Variants in HYCC1 observed in about 807,000 individuals in gnomAD.
HYCC1 encodes hyccin PI4KA lipid kinase complex subunit 1.
At chr7:22,951,980 CAACAA>C in the HYCC1 span, among the ~76,000 whole-genome samples, 3 of 151,900 alleles carry the variant, frequency 2.0e-5, no homozygotes, top group South Asian at 6.2e-4. Flanking sequence ...TACTGTTCTT[CAACAA>C]AACAAGAAAA....
At chr7:23,003,097 G>C in the HYCC1 span, among the ~76,000 whole-genome samples, 1 of 152,122 alleles carries the variant, frequency 6.6e-6, no homozygotes, top group Non-Finnish European at 1.5e-5. Flanking sequence ...GCTACATTCT[G>C]AGGTACTGGG....
chr7:22,906,121 G>A, the HYCC1 span, among the ~76,000 whole-genome samples: 15 of 144,342 alleles, frequency 1.0e-4, no homozygotes, highest in East Asian at 2.6e-3. Context: ...ATCTGAATGC[G>A]GCAATTTTTT....
chr7:22,996,306 AAAG>A, the HYCC1 span, among the ~76,000 whole-genome samples: 1 of 151,878 alleles, frequency 6.6e-6, no homozygotes. Flanking sequence ...AAAAAAAAAA[AAAG>A]AAGCAAAAAT....
At chr7:22,906,572 G>A in the HYCC1 span, among the ~76,000 whole-genome samples, 2 of 134,714 alleles carry the variant, frequency 1.5e-5, no homozygotes, top group African/African-American at 2.7e-5. Context: ...AGTGAGACTC[G>A]GTCTCAAAAA....
the HYCC1 span, among the ~76,000 whole-genome samples, chr7:22,948,691 G>A: frequency 1.3e-5 from 2 of 152,004 alleles, no homozygotes; most frequent in African/African-American, 4.8e-5. Flanking sequence ...TCGCACTGCT[G>A]AGCCAACATG....
the HYCC1 span, among the ~76,000 whole-genome samples, chr7:22,909,028 A>G: frequency 9.2e-5 from 14 of 152,338 alleles, no homozygotes; most frequent in African/African-American, 3.4e-4. Flanking sequence ...AGAAGTTAAC[A>G]TGGTCCATGA....
the HYCC1 span, among the ~76,000 whole-genome samples, chr7:23,005,515 A>G: frequency 6.6e-6 from 1 of 152,208 alleles, no homozygotes; most frequent in Non-Finnish European, 1.5e-5. Flanking sequence ...CTAATGCCCT[A>G]GTTACTCCAT....
the HYCC1 span, among the ~76,000 whole-genome samples, chr7:23,001,153 A>G: frequency 6.6e-6 from 1 of 152,162 alleles, no homozygotes; most frequent in Admixed American, 6.6e-5. Context: ...ATGTTGTGAT[A>G]ATGACTAACA....
the HYCC1 span, among the ~76,000 whole-genome samples, chr7:22,919,144 GA>G: frequency 2.0e-5 from 3 of 152,334 alleles, no homozygotes; most frequent in East Asian, 3.9e-4. Context: ...TTGCATGTGA[GA>G]GGGGCTAGAT....
the HYCC1 span, among the ~76,000 whole-genome samples, chr7:22,975,717 T>C: frequency 6.6e-6 from 1 of 152,144 alleles, no homozygotes; most frequent in Admixed American, 6.5e-5. Context: ...GTTGTTTTTG[T>C]TTGTGTTCTT....
chr7:22,942,890 T>C, the HYCC1 span: 2 of 152,184 alleles, frequency 1.3e-5, no homozygotes, highest in Non-Finnish European at 2.9e-5. Context: ...TTATTTGAAA[T>C]AGTATCAAAG....
chr7:22,932,348 C>T, the HYCC1 span, among the ~76,000 whole-genome samples: 3 of 152,160 alleles, frequency 2.0e-5, no homozygotes, highest in Admixed American at 6.6e-5. Flanking sequence ...TAGATGGGGT[C>T]ATTATTGCTG....
At chr7:22,904,680 T>C in the HYCC1 span, among the ~76,000 whole-genome samples, 1 of 151,640 alleles carries the variant, frequency 6.6e-6, no homozygotes, top group African/African-American at 2.4e-5. Flanking sequence ...GGGCCAGGCA[T>C]GGTGGCTCAT....
the HYCC1 span, among the ~76,000 whole-genome samples, chr7:23,001,618 G>A: frequency 6.6e-6 from 1 of 152,120 alleles, no homozygotes; most frequent in Admixed American, 6.6e-5. Context: ...ACATGGTAGG[G>A]TACTGGAGAA....
At chr7:22,924,177 C>CA in the HYCC1 span, among the ~76,000 whole-genome samples, 15,600 of 95,292 alleles carry the variant, frequency 0.16, 1,340 homozygotes, top group South Asian at 0.22. Flanking sequence ...GACTCTGTAT[C>CA]AAAAAAAAAA....
At chr7:22,994,951 G>T in the HYCC1 span, among the ~76,000 whole-genome samples, 1 of 152,078 alleles carries the variant, frequency 6.6e-6, no homozygotes, top group Non-Finnish European at 1.5e-5. Flanking sequence ...CTGGAAGGAC[G>T]ATATACTTCC....
chr7:22,920,736 T>C, the HYCC1 span, among the ~76,000 whole-genome samples: 3 of 152,184 alleles, frequency 2.0e-5, no homozygotes, highest in Non-Finnish European at 4.4e-5. Flanking sequence ...ATTTCTTCTT[T>C]TTTCTTTTTG....
chr7:22,975,885 T>A, the HYCC1 span, among the ~76,000 whole-genome samples: 2 of 152,096 alleles, frequency 1.3e-5, no homozygotes, highest in Non-Finnish European at 2.9e-5. Context: ...CCCAGCTGAT[T>A]TTTTAAAATT....
the HYCC1 span, chr7:22,943,134 A>T: frequency 6.6e-6 from 1 of 152,172 alleles, no homozygotes; most frequent in African/African-American, 2.4e-5. Context: ...TAACAAGAAA[A>T]ATATAAAGTG....
Sources: allele counts gnomAD v4.1 joint callset (sites outside exome capture counted in the v4.1 genomes callset), GRCh38; gene constraint gnomAD v4.1.1; transcripts MANE v1.5; gene names NCBI Gene and HGNC (gene_info 2026-07-23, HGNC 2026-07-21).